The following TMPRSS3 variants were observed in gnomAD, a reference collection of about 807,000 sequenced individuals.
TMPRSS3 encodes transmembrane protease serine 3.
TMPRSS3 carries 55 observed loss-of-function variants against 59.6 expected under a neutral mutation model. That is an observed-to-expected ratio of 0.92 (90% CI 0.74 to 1.16). The LOEUF (loss-of-function observed/expected upper bound fraction) is 1.16. Ranked by LOEUF, TMPRSS3 falls within the 50% of genes most tolerant of loss-of-function variation. The pLI is 0.00. For synonymous variants in TMPRSS3, 257 were observed against 237.7 expected, an observed-to-expected ratio of 1.08 and a Z score of -0.75; for missense variants, 596 against 579.4, an observed-to-expected ratio of 1.03 and a Z score of -0.29.
At chr21:42,373,290 G>A (rs919170873) in intron 12 of TMPRSS3, among the ~76,000 whole-genome samples, 2 of 152,220 alleles carry the variant, frequency 1.3e-5, no homozygotes, top group African/African-American at 4.8e-5. Flanking sequence ...TCTCTTCTGG[G>A]TCTCCCCTAG....
chr21:42,395,771 T>A (rs113845276), intron 1 of TMPRSS3, 171 bp downstream of exon 1: 1 of 394,740 alleles, frequency 2.5e-6, no homozygotes, highest in Non-Finnish European at 4.9e-6. Flanking sequence ...TTAGAGGGAC[T>A]CCCTCTCACC....
At chr21:42,375,220 C>T (rs1198713531) in intron 12 of TMPRSS3, among the ~76,000 whole-genome samples, 1 of 149,366 alleles carries the variant, frequency 6.7e-6, no homozygotes, top group African/African-American at 2.5e-5. Flanking sequence ...CCTCCCCCTC[C>T]GGGACCCCCC....
chr21:42,387,445 G>A (rs1175809646), intron 5 of TMPRSS3, among the ~76,000 whole-genome samples: 1 of 151,676 alleles, frequency 6.6e-6, no homozygotes, highest in Non-Finnish European at 1.5e-5. Context: ...TCCTGAAGAC[G>A]TTAGTGTGGA....
At chr21:42,376,294 C>T (rs374672228) in intron 11 of TMPRSS3, among the ~76,000 whole-genome samples, 4 of 152,284 alleles carry the variant, frequency 2.6e-5, no homozygotes, top group East Asian at 1.9e-4. Flanking sequence ...CCCCTGTGGT[C>T]CCCCACAAAG....
At chr21:42,395,036 C>A (rs1309794186) in intron 2 of TMPRSS3, among the ~76,000 whole-genome samples, 2 of 152,184 alleles carry the variant, frequency 1.3e-5, no homozygotes, top group African/African-American at 4.8e-5. Context: ...CAGGATCTGA[C>A]CTCCTTCAGG....
intron 10 of TMPRSS3, among the ~76,000 whole-genome samples, chr21:42,379,101 T>G (rs913140186): frequency 6.6e-6 from 1 of 151,808 alleles, no homozygotes; most frequent in African/African-American, 2.4e-5. Flanking sequence ...GCCAAGCTGG[T>G]CTCAAACTCC....
chr21:42,388,784 G>A lies in TMPRSS3; in HGVS notation c.322+145C>T. The A allele has an allele frequency of 2.2e-6, 2 of 926,724 alleles. No individual in the cohort carries two copies. Among genetic ancestry groups the A allele is most frequent in the South Asian group, 1.4e-5 (1 of 73,770 alleles). 57.4% of individuals were successfully genotyped at this position (926,724 alleles called of 1,614,324 possible). ...CCTCCCTGACCCCCCAGCCCAACAT[G>A]TCTTTGGGCAAACGCCAGTTCAATC... On this transcript the variant is annotated intron_variant, in intron 4 of 12. Coordinates refer to ENST00000644384, the MANE Select transcript of TMPRSS3 (RefSeq NM_001256317.3). This position sits in a 1 kb window ranked among gnomAD's most constrained non-coding sequence, Gnocchi z 5.1.
In TMPRSS3 at chr21:42,372,712, G is replaced by A; in HGVS notation, c.*50C>T. 6.2e-7 allele frequency: 1 copy of A among 1,606,764 alleles called. No homozygotes were observed. The highest frequency in any genetic ancestry group is 8.5e-7 in the Non-Finnish European group (1 of 1,173,276). ...ACACGGGAGTCCAGGGGAGGATCGG[G>A]CTGTCTTCATCACCTCAGGAACTCA... On this transcript the variant is annotated 3_prime_UTR_variant, in exon 13 of 13. Transcript: ENST00000644384.
In TMPRSS3 at chr21:42,380,185, T is replaced by C. The variant is rs1193005422; in HGVS notation, c.980A>G (p.Asn327Ser). 3.1e-6 allele frequency: 5 copies of C among 1,613,970 alleles called. No homozygotes were observed. The highest frequency in any genetic ancestry group is 4.2e-6 in the Non-Finnish European group (5 of 1,180,012). The change falls in exon 10 of 13, where the codon AAC (asparagine) becomes AGC (serine). Residue 327 changes from asparagine to serine, a missense_variant. Transcript: ENST00000644384. ...NEMIQPVCLP[N>S]SEENFPDGKV... is the part of the protein sequence containing the mutation. ...TCCATCGGGGAAGTTCTCTTCAGAG[T>C]TGGGCAGGCACACAGGCTGGATCAT...
In TMPRSS3 at chr21:42,376,385, G is replaced by C. The variant is rs2839494; in HGVS notation, c.1191+156C>G. 0.56 allele frequency among the ~76,000 whole-genome samples: 85,716 copies of C among 152,140 alleles called. 26,920 individuals are homozygous for C. Among genetic ancestry groups the C allele is most frequent in the African/African-American group, 0.86 (35,697 of 41,530 alleles). ...AGCCAGATCACTGGGTAAACACAGG[G>C]CTGGCAGCCAGGAAAAGGAGTGATA... On this transcript the variant is annotated intron_variant, in intron 11 of 12. Transcript: ENST00000644384.
At position 42,388,548 on chromosome 21, in the gene TMPRSS3, A is replaced by G; in HGVS notation, c.323-22T>C. 5 of 1,614,150 alleles carry G rather than the reference A, an allele frequency of 3.1e-6. No homozygotes were observed. The South Asian group carries it at 4.4e-5, about 14-fold the overall frequency. On this transcript the variant is annotated intron_variant, in intron 4 of 12. Transcript: ENST00000644384. This position sits in a 1 kb window ranked among gnomAD's most constrained non-coding sequence, Gnocchi z 5.1. ...CGGACTGGCCGATGTGCAGAAAGAA[A>G]GGCTTATTAGTGGCCAGTGGAACCC...
chr21:42,388,597 C>T lies in TMPRSS3; in HGVS notation c.323-71G>A. The T allele has an allele frequency of 1.2e-6, 2 of 1,610,112 alleles. No individual in the cohort carries two copies. The highest frequency in any genetic ancestry group is 1.7e-6 in the Non-Finnish European group (2 of 1,177,784). ...CCTGAGACCATAGGCAGGGGTTTCTCCACAGCCAGCTCAAACCCCTCCTCT... is the reference window on the plus strand; with the variant it reads ...CCTGAGACCATAGGCAGGGGTTTCTTCACAGCCAGCTCAAACCCCTCCTCT... On this transcript the variant is annotated intron_variant, in intron 4 of 12. Transcript: ENST00000644384. This position sits in a 1 kb window ranked among gnomAD's most constrained non-coding sequence, Gnocchi z 5.1.
In TMPRSS3 at chr21:42,389,067, G is replaced by A. The variant is rs7282234; in HGVS notation, c.206-22C>T. On this transcript the variant is annotated intron_variant, in intron 3 of 12. Transcript: ENST00000644384. The stretch of plus-strand genomic sequence containing the variant: ...TGGACTGGGAAAAGGGAGGAAGGCA[G>A]GAATTAACCAACAGCTCTTTCAGAG... The A allele has an allele frequency of 2.4e-3, 3,950 of 1,613,762 alleles. 59 individuals carry two copies. In the African/African-American group the frequency reaches 0.043, roughly 18 times the overall value.
rs1173327718 is a variant in TMPRSS3, at chr21:42,375,019, CA to C, written c.1344+696del. On this transcript the variant is annotated intron_variant, in intron 12 of 12. Coordinates refer to ENST00000644384, the MANE Select transcript of TMPRSS3 (RefSeq NM_001256317.3). ...GAGACTTCATCTGAGATCAAGCCAG[CA>C]AATGTTTCCCCGGCGCCCACATGAG... Among the ~76,000 whole-genome samples the C allele has an allele frequency of 1.8e-4, 27 of 151,846 alleles. 1 individual carries two copies. The highest frequency in any genetic ancestry group is 1.8e-3 in the Admixed American group (27 of 15,248).
intron 12 of TMPRSS3, among the ~76,000 whole-genome samples, chr21:42,373,997 C>G (rs759949200): frequency 6.6e-6 from 1 of 152,128 alleles, no homozygotes; most frequent in Admixed American, 6.5e-5. Context: ...GATCTGTGTC[C>G]CGTGAAGGCC....
rs2052542871 is a variant in TMPRSS3, at chr21:42,382,115, AG to A, written c.901del (p.Leu301TrpfsTer8). 3 of 1,614,104 alleles carry A rather than the reference AG, an allele frequency of 1.9e-6. No homozygotes were observed. Among genetic ancestry groups the A allele is most frequent in the Non-Finnish European group, 2.5e-6 (3 of 1,180,030 alleles). ...CTTCATAAGGGCGATGTCATTGCCC[AG>A]CCTCTTTGGCTTGTACTTGCTGTGG... ...VYHSKYKPKR[L>X]GNDIALMKLA... is the part of the protein sequence containing the mutation. On this transcript the variant is annotated frameshift_variant, in exon 9 of 13. Transcript: ENST00000644384. LOFTEE classifies it high-confidence loss of function.
chr21:42,389,075 C>A (rs1374856714), intron 3 of TMPRSS3, 30 bp from the exon 4 acceptor site: 2 of 1,613,350 alleles, frequency 1.2e-6, no homozygotes, highest in Admixed American at 3.3e-5. Flanking sequence ...CAGGAATTAA[C>A]CAACAGCTCT....
intron 10 of TMPRSS3, among the ~76,000 whole-genome samples, chr21:42,378,259 C>T (rs564242685): frequency 1.3e-5 from 2 of 152,312 alleles, no homozygotes; most frequent in Admixed American, 6.5e-5. Flanking sequence ...TCGAAGCATC[C>T]GGGTTAGCTC....
chr21:42,378,324 CTG>C (rs1229279175), intron 10 of TMPRSS3, among the ~76,000 whole-genome samples: 1 of 152,244 alleles, frequency 6.6e-6, no homozygotes, highest in Admixed American at 6.5e-5. Context: ...GTGGAAAACA[CTG>C]AAATTCCTGT....
Sources: allele counts gnomAD v4.1 joint callset (sites outside exome capture counted in the v4.1 genomes callset), GRCh38; gene constraint gnomAD v4.1.1; non-coding constraint Gnocchi (gnomAD v3.1); transcripts MANE v1.5; gene names NCBI Gene and HGNC (gene_info 2026-07-23, HGNC 2026-07-21).